The following UPP2 variants were observed in gnomAD, a reference collection of about 807,000 sequenced individuals.
The protein encoded by UPP2 is uridine phosphorylase 2.
In UPP2, 23 loss-of-function variants were observed where a neutral mutation model predicts 26.7. The ratio of observed to expected loss-of-function variants is 0.86; its 90% CI spans 0.62 to 1.22. UPP2 has a LOEUF of 1.22. UPP2 is among the 50% of genes most tolerant of loss of function. The probability of loss-of-function intolerance (pLI) is 0.00; values close to 1 mark genes in which losing one functional copy is unlikely to be tolerated. For missense variants in UPP2, 387 were observed against 396.7 expected (o/e 0.98, Z 0.21); for synonymous variants, 127 against 141.3 (o/e 0.90, Z 0.72).
chr2:158,107,623 G>A (rs1181818182), intron 2 of UPP2, among the ~76,000 whole-genome samples: 2 of 151,764 alleles, frequency 1.3e-5, no homozygotes, highest in Non-Finnish European at 2.9e-5. Flanking sequence ...TGGAGGCAGA[G>A]GAAAAGGAAG....
At chr2:157,999,476 C>T (rs115712334) in intron 2 of UPP2, among the ~76,000 whole-genome samples, 1,874 of 152,322 alleles carry the variant, frequency 0.012, 42 homozygotes, top group African/African-American at 0.042. Flanking sequence ...CCTCACCCAG[C>T]CTATTTGGGT....
At chr2:158,122,186 A>G (rs1430210813) in intron 5 of UPP2, among the ~76,000 whole-genome samples, 1 of 151,912 alleles carries the variant, frequency 6.6e-6, no homozygotes, top group African/African-American at 2.4e-5. Flanking sequence ...AGGGGAAGAA[A>G]CCTTCAAAGA....
In UPP2 at chr2:158,121,526, A is replaced by C. The variant is rs756015559; in HGVS notation, c.572A>C (p.Glu191Ala). 6.2e-7 allele frequency: 1 copy of C among 1,613,586 alleles called. No homozygotes were observed. The highest frequency in any genetic ancestry group is 8.5e-7 in the Non-Finnish European group (1 of 1,179,530). Residue 191 changes from glutamate to alanine, a missense_variant, in exon 5 of 7, where the codon GAA becomes GCA. Glu to Ala is a moderately radical substitution (Grantham distance 107, BLOSUM62 -1). Transcript: ENST00000005756. ...IVTRSTELDK[E>A]LSEELFNCSK... ...ACCCGAAGTACTGAACTGGACAAAG[A>C]ACTGTCTGAAGAACTGTTCAACTGT...
At chr2:158,079,805 T>C (rs1682692080) in intron 3 of UPP2, among the ~76,000 whole-genome samples, 1 of 152,210 alleles carries the variant, frequency 6.6e-6, no homozygotes. Flanking sequence ...GTAAGTTCTA[T>C]GCTGCCTCAT....
chr2:158,099,788 T>A (rs1036273079), upstream of UPP2, among the ~76,000 whole-genome samples: 1 of 152,172 alleles, frequency 6.6e-6, no homozygotes, highest in East Asian at 1.9e-4. Context: ...AATGTAATAG[T>A]GCCAGCATCA....
intron 4 of UPP2, among the ~76,000 whole-genome samples, chr2:158,120,388 G>A (rs1026251937): frequency 6.6e-6 from 1 of 152,008 alleles, no homozygotes; most frequent in African/African-American, 2.4e-5. Context: ...TGAACCATAG[G>A]CTTGCGGAGC....
chr2:158,032,431 C>G (rs1489540029), intron 3 of UPP2, among the ~76,000 whole-genome samples: 1 of 152,062 alleles, frequency 6.6e-6, no homozygotes, highest in Non-Finnish European at 1.5e-5. Flanking sequence ...TCTGAGGGGC[C>G]TGTGGTCTTC....
At chr2:158,029,793 T>G (rs1161818889) in intron 3 of UPP2, among the ~76,000 whole-genome samples, 1 of 149,086 alleles carries the variant, frequency 6.7e-6, no homozygotes, top group African/African-American at 2.5e-5. Context: ...GTCATCTCGT[T>G]TCTTTTTTTT....
intron 3 of UPP2, among the ~76,000 whole-genome samples, chr2:158,070,159 C>T (rs1167127243): frequency 2.0e-5 from 3 of 152,120 alleles, no homozygotes; most frequent in African/African-American, 7.2e-5. Context: ...CAATCTTTTG[C>T]TACTGTAGTC....
intron 3 of UPP2, among the ~76,000 whole-genome samples, chr2:158,055,793 G>A (rs140509267): frequency 4.0e-3 from 591 of 146,484 alleles, no homozygotes; most frequent in Non-Finnish European, 6.8e-3. Context: ...TCTGCTCATG[G>A]CGGAGATTGT....
At chr2:158,024,001 T>G (rs79289041) in intron 3 of UPP2, among the ~76,000 whole-genome samples, 2,731 of 152,300 alleles carry the variant, frequency 0.018, 78 homozygotes, top group African/African-American at 0.062. Context: ...CTTTCCTTAG[T>G]AGACTAAAAT....
At chr2:158,128,876 C>T (rs183196770) in intron 6 of UPP2, among the ~76,000 whole-genome samples, 49 of 151,330 alleles carry the variant, frequency 3.2e-4, no homozygotes, top group Admixed American at 2.2e-3. Flanking sequence ...TCAAATAAAA[C>T]ATTAAGCAGA....
intron 3 of UPP2, among the ~76,000 whole-genome samples, chr2:158,030,105 G>A (rs770988553): frequency 2.6e-4 from 40 of 152,100 alleles, no homozygotes; most frequent in Non-Finnish European, 4.7e-4. Flanking sequence ...CATCTCACAC[G>A]ATTTCAAAAA....
At chr2:158,050,851 A>G (rs1353050734) in intron 3 of UPP2, among the ~76,000 whole-genome samples, 1 of 152,172 alleles carries the variant, frequency 6.6e-6, no homozygotes, top group African/African-American at 2.4e-5. Context: ...AAAAAGACCT[A>G]CTGTTTGATA....
At chr2:158,095,747 A>G (rs1682975153) in intron 3 of UPP2, among the ~76,000 whole-genome samples, 2 of 152,126 alleles carry the variant, frequency 1.3e-5, no homozygotes, top group Admixed American at 6.5e-5. Flanking sequence ...GGCCTGGAGT[A>G]ATGCTATTAG....
At chr2:158,122,499 G>T (rs1292838137) in intron 5 of UPP2, among the ~76,000 whole-genome samples, 1 of 152,034 alleles carries the variant, frequency 6.6e-6, no homozygotes, top group African/African-American at 2.4e-5. Flanking sequence ...GGGACCCTCT[G>T]TTCAAGGCCA....
chr2:158,088,282 A>C (rs921760361), intron 3 of UPP2, among the ~76,000 whole-genome samples: 1 of 152,054 alleles, frequency 6.6e-6, no homozygotes, highest in Non-Finnish European at 1.5e-5. Context: ...TATTGCTGAG[A>C]CTTTCCAGTG....
At chr2:158,061,142 C>A (rs986045406) in intron 3 of UPP2, among the ~76,000 whole-genome samples, 2 of 152,220 alleles carry the variant, frequency 1.3e-5, no homozygotes, top group Non-Finnish European at 2.9e-5. Context: ...GCCACAACCC[C>A]AGTCAGATTT....
At position 158,117,128 on chromosome 2, in the gene UPP2, T is replaced by C. The variant is rs373663730; in HGVS notation, c.340-696T>C. Among the ~76,000 whole-genome samples the C allele has an allele frequency of 9.9e-5, 15 of 152,132 alleles. No individual in the cohort carries two copies. In the East Asian group the frequency reaches 1.5e-3, roughly 16 times the overall value. On this transcript the variant is annotated intron_variant, in intron 3 of 6. Transcript: ENST00000005756. ...TCTGCAAATTACAGAATGGAGGATG[T>C]TTCTGGAGAGTTATTAGGACATTGT...
Sources: gnomAD v4.1 joint callset for allele counts (sites outside exome capture counted in the v4.1 genomes callset) on GRCh38, gnomAD v4.1.1 for gene constraint, MANE v1.5 for transcripts, NCBI Gene and HGNC (gene_info 2026-07-23, HGNC 2026-07-21) for gene names.